RBM7: variants seen among roughly 807,000 people sequenced by gnomAD.
RBM7 encodes the protein RNA-binding protein 7.
Under a neutral mutation model 31.0 loss-of-function variants are expected in RBM7, and 13 were observed. The observed-to-expected ratio is 0.42, with a 90% CI of 0.27 to 0.67. The LOEUF is 0.67. Ranked by LOEUF, RBM7 falls within the 30% of genes least tolerant of loss-of-function variation. The pLI, the probability that RBM7 is intolerant of heterozygous loss-of-function variation, is 0.24. For missense variants in RBM7, 245 were observed against 326.2 expected, an observed-to-expected ratio of 0.75 and a Z score of 1.92; for synonymous variants, 106 against 111.2, an observed-to-expected ratio of 0.95 and a Z score of 0.30.
intron 4 of RBM7, 36 bp from the exon 5 acceptor site, chr11:114,407,409 A>G (rs1946278811): frequency 6.4e-7 from 1 of 1,569,790 alleles, no homozygotes. Flanking sequence ...TTTGATATCT[A>G]GAAGTATTAA....
At position 114,408,344 on chromosome 11, in the gene RBM7, T is replaced by C. The variant is rs1946295315; in HGVS notation, c.*537T>C. 1 of 152,954 alleles carries C rather than the reference T, an allele frequency of 6.5e-6. No individual in the cohort carries two copies. The highest frequency in any genetic ancestry group is 6.5e-5 in the Admixed American group (1 of 15,294). The allele number at this position is 152,954 out of a possible 1,614,324, so 9.5% of individuals were successfully genotyped here. ...AATTCTGTGACATGCTCTTGAGCTT[T>C]ACCCTAGTTGAACATACATGTGTAG... On this transcript the variant is annotated 3_prime_UTR_variant, in exon 5 of 5. Transcript: ENST00000375490.
At chr11:114,405,965 AT>A (rs1193353022) in intron 4 of RBM7, 166 bp downstream of exon 4, 1 of 521,210 alleles carries the variant, frequency 1.9e-6, no homozygotes, top group African/African-American at 2.0e-5. Context: ...TTTTTCTCAA[AT>A]TTTTGTTAGA....
At chr11:114,402,983 A>G (rs1946224649) in intron 3 of RBM7, 68 bp downstream of exon 3, 4 of 1,224,460 alleles carry the variant, frequency 3.3e-6, no homozygotes, top group Non-Finnish European at 3.6e-6. Context: ...CTCAAAACAC[A>G]TGAGTAAATA....
chr11:114,401,700 T>C lies in RBM7; in HGVS notation c.99T>C (p.Ala33=). The C allele has an allele frequency of 6.6e-7, 1 of 1,515,318 alleles. No individual in the cohort carries two copies. The highest frequency in any genetic ancestry group is 2.6e-5 in the East Asian group (1 of 38,668). The allele number at this position is 1,515,318 out of a possible 1,614,324, so 93.9% of individuals were successfully genotyped here. A position where few individuals can be genotyped will look rare whatever the true frequency, so the allele number is the denominator to read the frequency against. Residue 33 remains alanine (A), a splice_region_variant and synonymous_variant, in exon 2 of 5, where the codon GCT becomes GCC. Coordinates refer to ENST00000375490, the MANE Select transcript of RBM7 (RefSeq NM_001286045.2). ...EELLFELFHQ[A]GPVIKVKIPK... is the part of the protein sequence containing the mutation. ...TCTAAACACCTTTTTGTTTGTAGGC[T>C]GGGCCAGTAATAAAGGTGAAAATTC...
Position 114,409,329 on chromosome 11 carries a change from G to A in RBM7, c.*1522G>A, listed in dbSNP as rs1946309186. 2 of 151,848 alleles carry A rather than the reference G, an allele frequency of 1.3e-5. No homozygotes were observed. The highest frequency in any genetic ancestry group is 4.8e-5 in the African/African-American group (2 of 41,364). 9.4% of individuals were successfully genotyped at this position (151,848 alleles called of 1,614,324 possible). A position where few individuals can be genotyped will look rare whatever the true frequency, so the allele number is the denominator to read the frequency against. On this transcript the variant is annotated 3_prime_UTR_variant, in exon 5 of 5. Transcript: ENST00000375490. ...GGTATCTTATCCATATGAAAACTTAGTAGGTTTGTAGATGTTAACGAAGAT... is the reference window on the plus strand; with the variant it reads ...GGTATCTTATCCATATGAAAACTTAATAGGTTTGTAGATGTTAACGAAGAT...
Position 114,401,768 on chromosome 11 carries a change from A to T in RBM7, c.167A>T (p.Asn56Ile). Residue 56 changes from asparagine (N) to isoleucine (I), a missense_variant, in exon 2 of 5, where the codon AAT becomes ATT. Asn to Ile is a moderately radical substitution (Grantham distance 149). Transcript: ENST00000375490. Reference sequence around the variant, plus strand: ...AAACCAAAGCAGTTTGCGTTTGTGAATTTCAAACATGAAGTGTCTGTTCCT... The same window carrying T: ...AAACCAAAGCAGTTTGCGTTTGTGATTTTCAAACATGAAGTGTCTGTTCCT... ...DGKPKQFAFV[N>I]FKHEVSVPYA... 6.3e-7 allele frequency: 1 copy of T among 1,586,732 alleles called. No individual in the cohort carries two copies. Among genetic ancestry groups the T allele is most frequent in the Non-Finnish European group, 8.5e-7 (1 of 1,170,092 alleles).
Position 114,405,715 on chromosome 11 carries a change from A to G in RBM7, c.357A>G (p.Glu119=), listed in dbSNP as rs368252158. The G allele has an allele frequency of 1.2e-5, 19 of 1,580,914 alleles. No homozygotes were observed. Among genetic ancestry groups the G allele is most frequent in the South Asian group, 2.4e-5 (2 of 84,976 alleles). The change falls in exon 4 of 5, where the codon GAA becomes GAG. Residue 119 remains glutamate (E), a synonymous_variant. Transcript: ENST00000375490. The part of the protein sequence containing the change: ...PTSTSPSSRY[E]RTMDNMTSSA... Reference sequence around the variant, plus strand: ...TTGGTTTTCTTTTTAGCAGGTACGAAAGGACTATGGATAACATGACTTCAT... The same window carrying G: ...TTGGTTTTCTTTTTAGCAGGTACGAGAGGACTATGGATAACATGACTTCAT...
chr11:114,402,668 G>T (rs890389167), intron 2 of RBM7, among the ~76,000 whole-genome samples, 160 bp from the exon 3 acceptor site: 1 of 152,048 alleles, frequency 6.6e-6, no homozygotes, highest in Non-Finnish European at 1.5e-5. Flanking sequence ...GCCTCCCAAA[G>T]TGCTGGGATT....
chr11:114,407,202 G>A, intron 4 of RBM7: 1 of 370,528 alleles, frequency 2.7e-6, no homozygotes, highest in South Asian at 6.0e-5. Flanking sequence ...CAGTGATTTT[G>A]CATTATAGTC....
rs1212597314 is a variant in RBM7 at position 114,409,613 on chromosome 11, C to T, written c.*1806C>T. 5.3e-5 allele frequency: 8 copies of T among 152,280 alleles called. No individual in the cohort carries two copies. The highest frequency in any genetic ancestry group is 7.3e-5 in the Non-Finnish European group (5 of 68,128). The allele number at this position is 152,280 out of a possible 1,614,324, so 9.4% of individuals were successfully genotyped here. ...CAAACTCCTGACCTCAAGTGATCCA[C>T]CTACCTTGGCCTACCGAGGTGCTGG... is the stretch of plus-strand genomic sequence containing the variant. On this transcript the variant is annotated 3_prime_UTR_variant, in exon 5 of 5. Coordinates refer to ENST00000375490, the MANE Select transcript of RBM7 (RefSeq NM_001286045.2).
At position 114,410,311 on chromosome 11, in the gene RBM7, A is replaced by G. The variant is rs1157243835; in HGVS notation, c.*2504A>G. On this transcript the variant is annotated 3_prime_UTR_variant, in exon 5 of 5. Coordinates refer to ENST00000375490, the MANE Select transcript of RBM7 (RefSeq NM_001286045.2). ...TTCTTTTACTCAAAAACAGCACCAT[A>G]AAATTTCTGACAAGTACTATAGGTA... The G allele has an allele frequency of 2.0e-5, 3 of 152,196 alleles. No homozygotes were observed. Among genetic ancestry groups the G allele is most frequent in the Non-Finnish European group, 4.4e-5 (3 of 68,030 alleles). The allele number at this position is 152,196 out of a possible 1,614,324, so 9.4% of individuals were successfully genotyped here.
At position 114,408,664 on chromosome 11, in the gene RBM7, G is replaced by C. The variant is rs1272810878; in HGVS notation, c.*857G>C. ...TTAACATTTTCAAAGTGCCCAGACT[G>C]TGTACAAAGACACATGTAATGGAGA... On this transcript the variant is annotated 3_prime_UTR_variant, in exon 5 of 5. Transcript: ENST00000375490. The C allele has an allele frequency of 6.6e-6, 1 of 152,418 alleles. No individual in the cohort carries two copies. The highest frequency in any genetic ancestry group is 1.5e-5 in the Non-Finnish European group (1 of 68,002). The allele number at this position is 152,418 out of a possible 1,614,324, so 9.4% of individuals were successfully genotyped here. A position where few individuals can be genotyped will look rare whatever the true frequency, so the allele number is the denominator to read the frequency against.
chr11:114,407,414 T>G, intron 4 of RBM7, 31 bp from the exon 5 acceptor site: 1 of 1,578,568 alleles, frequency 6.3e-7, no homozygotes, highest in Non-Finnish European at 8.6e-7. Context: ...TATCTAGAAG[T>G]ATTAACATTT....
chr11:114,402,234 G>C (rs1323949164), intron 2 of RBM7: 1 of 184,354 alleles, frequency 5.4e-6, no homozygotes. Flanking sequence ...AACTGTCCAT[G>C]TATCCAGTGT....
In RBM7 at chr11:114,407,425, C is replaced by G. The variant is rs769955804; in HGVS notation, c.442-20C>G. 1.9e-6 allele frequency: 3 copies of G among 1,589,228 alleles called. No individual in the cohort carries two copies. Among genetic ancestry groups the G allele is most frequent in the Non-Finnish European group, 2.6e-6 (3 of 1,166,672 alleles). The stretch of plus-strand genomic sequence containing the variant: ...TTGATATCTAGAAGTATTAACATTT[C>G]CACTTTTCCTATTCCTCAGATGAAC... On this transcript the variant is annotated intron_variant, in intron 4 of 4. Coordinates refer to ENST00000375490, the MANE Select transcript of RBM7 (RefSeq NM_001286045.2).
At chr11:114,405,870 C>G (rs1401497602) in intron 4 of RBM7, 71 bp downstream of exon 4, 2 of 1,075,758 alleles carry the variant, frequency 1.9e-6, no homozygotes, top group Non-Finnish European at 2.7e-6. Context: ...CGCATTGTAT[C>G]AAATAACTGG....
At position 114,401,871 on chromosome 11, in the gene RBM7, A is replaced by C. The variant is rs202040676; in HGVS notation, c.259+11A>C. The stretch of plus-strand genomic sequence containing the variant: ...TTCAATTTAGATCAGGTAACTGCCC[A>C]ATGAGGTTCGGGGGGCATTGTTTCC... On this transcript the variant is annotated intron_variant, in intron 2 of 4. Transcript: ENST00000375490. 6.3e-7 allele frequency: 1 copy of C among 1,581,032 alleles called. No individual in the cohort carries two copies. The highest frequency in any genetic ancestry group is 1.2e-5 in the South Asian group (1 of 83,988).
intron 3 of RBM7, among the ~76,000 whole-genome samples, chr11:114,404,533 C>T (rs923823109): frequency 6.6e-6 from 1 of 152,094 alleles, no homozygotes; most frequent in African/African-American, 2.4e-5. Context: ...AGTTTTCCCT[C>T]TTAGAATTTC....
intron 1 of RBM7, among the ~76,000 whole-genome samples, chr11:114,401,288 G>T (rs563962708): frequency 6.6e-6 from 1 of 152,310 alleles, no homozygotes; most frequent in Admixed American, 6.5e-5. Flanking sequence ...AAAATTCTGA[G>T]TATCCTATTC....
Sources: allele counts gnomAD v4.1 joint callset (sites outside exome capture counted in the v4.1 genomes callset), GRCh38; gene constraint gnomAD v4.1.1; transcripts MANE v1.5; gene names NCBI Gene and HGNC (gene_info 2026-07-23, HGNC 2026-07-21).